GALNT13: variants seen among roughly 807,000 people sequenced by gnomAD.
GALNT13 encodes the protein polypeptide N-acetylgalactosaminyltransferase 13.
Under a neutral mutation model 64.2 loss-of-function variants are expected in GALNT13, and 28 were observed. The ratio of observed to expected loss-of-function variants is 0.44; its 90% CI spans 0.32 to 0.60. The LOEUF is 0.60. Among genes scored for constraint, GALNT13 ranks in the 20% least tolerant of loss-of-function variants. The pLI is 0.05. For synonymous variants in GALNT13, 214 were observed against 224.6 expected (o/e 0.95, Z 0.42); for missense variants, 577 against 669.8 (o/e 0.86, Z 1.53).
chr2:153,102,238 GTC>G, the GALNT13 span, among the ~76,000 whole-genome samples: 1 of 151,580 alleles, frequency 6.6e-6, no homozygotes, highest in East Asian at 1.9e-4. Context: ...TTGTTTCTCT[GTC>G]TCTCTTTGCT....
At chr2:153,908,857 T>C (rs532113750) in intron 2 of GALNT13, among the ~76,000 whole-genome samples, 4 of 152,156 alleles carry the variant, frequency 2.6e-5, no homozygotes, top group African/African-American at 7.2e-5. Context: ...TGCTGAGATA[T>C]CTTGCCTTGG....
At chr2:153,255,064 C>A in the GALNT13 span, among the ~76,000 whole-genome samples, 1 of 151,892 alleles carries the variant, frequency 6.6e-6, no homozygotes, top group Non-Finnish European at 1.5e-5. Flanking sequence ...ATGTTGACAG[C>A]GGGGTGTGAA....
chr2:154,236,364 A>T (rs755170625), intron 4 of GALNT13, among the ~76,000 whole-genome samples: 25 of 152,218 alleles, frequency 1.6e-4, no homozygotes, highest in Admixed American at 2.6e-4. Flanking sequence ...AGAGTTTTTT[A>T]AAAATATTTT....
At chr2:154,118,381 T>C (rs1681729847) in intron 3 of GALNT13, among the ~76,000 whole-genome samples, 2 of 152,016 alleles carry the variant, frequency 1.3e-5, no homozygotes. Context: ...GAATATCTTT[T>C]ATATTCCTTC....
chr2:153,216,847 G>A, the GALNT13 span, among the ~76,000 whole-genome samples: 1 of 151,520 alleles, frequency 6.6e-6, no homozygotes, highest in Non-Finnish European at 1.5e-5. Context: ...GTCATGTTTT[G>A]GTGTAATATC....
In GALNT13 at chr2:154,360,617, T is replaced by C. The variant is rs113204144; in HGVS notation, c.1157-35374T>C. On this transcript the variant is annotated intron_variant, in intron 9 of 12. Transcript: ENST00000392825. The stretch of plus-strand genomic sequence containing the variant: ...TGGCTTGTGCCTGTTTTTAGAGTGA[T>C]ACAAATTTGCAACGTGTACCTATGT... Among the ~76,000 whole-genome samples, 148 of 152,304 alleles carry C rather than the reference T, an allele frequency of 9.7e-4. 1 individual carries two copies. Among genetic ancestry groups the C allele is most frequent in the Middle Eastern group, 3.4e-3 (1 of 294 alleles).
chr2:153,648,577 A>G, the GALNT13 span, among the ~76,000 whole-genome samples: 10 of 152,122 alleles, frequency 6.6e-5, no homozygotes, highest in East Asian at 1.9e-4. Flanking sequence ...GTTTTTGCCC[A>G]TTCAGTATGA....
At chr2:153,940,271 T>A (rs1691242424) in intron 2 of GALNT13, among the ~76,000 whole-genome samples, 2 of 151,100 alleles carry the variant, frequency 1.3e-5, no homozygotes, top group African/African-American at 4.9e-5. Flanking sequence ...TTTTTTTTTT[T>A]TTTTTTGACA....
chr2:153,227,226 A>G, the GALNT13 span, among the ~76,000 whole-genome samples: 3 of 152,234 alleles, frequency 2.0e-5, no homozygotes, highest in African/African-American at 4.8e-5. Context: ...CCAATCTGTC[A>G]TAGCATTGAC....
At chr2:153,152,319 G>T in the GALNT13 span, among the ~76,000 whole-genome samples, 5 of 151,990 alleles carry the variant, frequency 3.3e-5, no homozygotes, top group Non-Finnish European at 7.4e-5. Flanking sequence ...AGTGCACTTG[G>T]ATATGGCCAG....
At chr2:154,271,098 CTT>C (rs1691330363) in intron 8 of GALNT13, among the ~76,000 whole-genome samples, 1 of 151,874 alleles carries the variant, frequency 6.6e-6, no homozygotes, top group Non-Finnish European at 1.5e-5. Flanking sequence ...ATGATATAAA[CTT>C]TTTCTCCTAC....
intron 9 of GALNT13, among the ~76,000 whole-genome samples, chr2:154,393,988 GA>G (rs1698929685): frequency 7.2e-6 from 1 of 138,650 alleles, no homozygotes; most frequent in Non-Finnish European, 1.5e-5. Flanking sequence ...TGAGGCAGGA[GA>G]ATGGCGTGAA....
chr2:153,631,169 C>T, the GALNT13 span, among the ~76,000 whole-genome samples: 3 of 152,062 alleles, frequency 2.0e-5, no homozygotes, highest in African/African-American at 7.2e-5. Flanking sequence ...CATAGTATTC[C>T]ATGGCATATA....
chr2:153,105,168 T>C, the GALNT13 span, among the ~76,000 whole-genome samples: 1 of 150,952 alleles, frequency 6.6e-6, no homozygotes. Context: ...AAAAAGCTTA[T>C]CCACCATGAT....
the GALNT13 span, among the ~76,000 whole-genome samples, chr2:153,402,958 C>T: frequency 6.6e-6 from 1 of 152,116 alleles, no homozygotes; most frequent in Non-Finnish European, 1.5e-5. Flanking sequence ...CAGCTTTGTT[C>T]CGTTGCTGGT....
Position 154,422,657 on chromosome 2 carries a change from G to A in GALNT13, c.1395+13575G>A, listed in dbSNP as rs914088163. ...GAAAGTAAAATATGTGTTTATGACTGTAATATGCAAAATTTGATTTTTTCT... is the reference window on the plus strand; with the variant it reads ...GAAAGTAAAATATGTGTTTATGACTATAATATGCAAAATTTGATTTTTTCT... On this transcript the variant is annotated intron_variant, in intron 11 of 12. Transcript: ENST00000392825. Among the ~76,000 whole-genome samples, 4 of 152,176 alleles carry A rather than the reference G, an allele frequency of 2.6e-5. No homozygotes were observed. In the East Asian group the frequency reaches 7.8e-4, roughly 30 times the overall value.
At chr2:154,439,356 A>C (rs964372696) in intron 12 of GALNT13, among the ~76,000 whole-genome samples, 37 of 152,306 alleles carry the variant, frequency 2.4e-4, no homozygotes, top group African/African-American at 8.7e-4. Flanking sequence ...AGATGGAGCT[A>C]ATAAAAAAGA....
intron 3 of GALNT13, among the ~76,000 whole-genome samples, chr2:153,961,569 T>C (rs1157078595): frequency 6.6e-6 from 1 of 152,182 alleles, no homozygotes; most frequent in Admixed American, 6.5e-5. Flanking sequence ...CAACACCCTT[T>C]ATATAAAATT....
intron 2 of GALNT13, among the ~76,000 whole-genome samples, chr2:153,921,919 A>G (rs184700951): frequency 6.6e-6 from 1 of 152,292 alleles, no homozygotes; most frequent in African/African-American, 2.4e-5. Context: ...AAAAAAGGAT[A>G]TTAGAAATAT....
Sources: allele counts gnomAD v4.1 joint callset (sites outside exome capture counted in the v4.1 genomes callset), GRCh38; gene constraint gnomAD v4.1.1; transcripts MANE v1.5; gene names NCBI Gene and HGNC (gene_info 2026-07-23, HGNC 2026-07-21).